RALYL: variants seen among roughly 807,000 people sequenced by gnomAD.
RALYL encodes RNA-binding Raly-like protein.
A neutral mutation model predicts 35.1 loss-of-function variants in RALYL; 29 were observed. The observed-to-expected ratio is 0.83, with a 90% CI of 0.61 to 1.13. The LOEUF is 1.13. Among genes scored for constraint, RALYL ranks in the 50% most tolerant of loss-of-function variants. The pLI, the probability that RALYL is intolerant of heterozygous loss-of-function variation, is 0.00. For missense variants in RALYL, 359 were observed against 360.4 expected (o/e 1.00, Z 0.03); for synonymous variants, 120 against 127.6 (o/e 0.94, Z 0.40).
intron 8 of RALYL, among the ~76,000 whole-genome samples, chr8:84,905,949 G>A (rs954323143): frequency 7.2e-5 from 11 of 151,818 alleles, no homozygotes; most frequent in African/African-American, 1.9e-4. Context: ...TTTTGAATAC[G>A]TAAAATATTC....
chr8:84,228,711 G>A (rs978547529), intron 1 of RALYL, among the ~76,000 whole-genome samples: 9 of 152,156 alleles, frequency 5.9e-5, no homozygotes, highest in Non-Finnish European at 1.3e-4. Context: ...AAAGAAAAGA[G>A]GTTTAATTAA....
chr8:84,548,596 T>C (rs926771610), intron 2 of RALYL, among the ~76,000 whole-genome samples: 1 of 152,186 alleles, frequency 6.6e-6, no homozygotes, highest in African/African-American at 2.4e-5. Flanking sequence ...CTGTTGTACA[T>C]CTTAAAAGGA....
At chr8:84,762,819 C>A (rs1447903783) in intron 2 of RALYL, among the ~76,000 whole-genome samples, 2 of 152,066 alleles carry the variant, frequency 1.3e-5, no homozygotes, top group East Asian at 1.9e-4. Context: ...ATGTTACCAA[C>A]CATTATTATC....
At chr8:84,253,174 C>T (rs1830525065) in intron 1 of RALYL, among the ~76,000 whole-genome samples, 1 of 112,474 alleles carries the variant, frequency 8.9e-6, no homozygotes, top group East Asian at 2.7e-4. Context: ...TGTAGTTCTG[C>T]AGTTTTTTTT....
chr8:84,842,167 A>G (rs1341264596), intron 4 of RALYL, among the ~76,000 whole-genome samples: 2 of 152,214 alleles, frequency 1.3e-5, no homozygotes, highest in African/African-American at 2.4e-5. Flanking sequence ...CAAAAAATTA[A>G]TGAATCCAGG....
At chr8:84,885,159 G>A (rs145385790) in intron 7 of RALYL, among the ~76,000 whole-genome samples, 35 of 152,150 alleles carry the variant, frequency 2.3e-4, no homozygotes, top group Non-Finnish European at 4.1e-4. Context: ...ATCTAGAACT[G>A]TAGAGCACAA....
intron 2 of RALYL, among the ~76,000 whole-genome samples, chr8:84,662,944 A>G (rs978011467): frequency 1.3e-5 from 2 of 152,046 alleles, no homozygotes; most frequent in African/African-American, 2.4e-5. Flanking sequence ...CCTACAGATT[A>G]AGCACAGCAT....
chr8:84,729,762 G>T (rs147959808), intron 2 of RALYL, among the ~76,000 whole-genome samples: 2 of 151,884 alleles, frequency 1.3e-5, no homozygotes, highest in East Asian at 1.9e-4. Context: ...ACACCTCTAC[G>T]CAAATAAACT....
At chr8:84,348,624 A>G (rs1850292723) in intron 1 of RALYL, among the ~76,000 whole-genome samples, 1 of 152,158 alleles carries the variant, frequency 6.6e-6, no homozygotes. Context: ...TATCGACCGT[A>G]AACATTTTTC....
At chr8:84,614,235 A>T (rs1358190588) in intron 2 of RALYL, among the ~76,000 whole-genome samples, 14 of 151,694 alleles carry the variant, frequency 9.2e-5, no homozygotes, top group Non-Finnish European at 1.8e-4. Flanking sequence ...TACGAGTATC[A>T]GTATTACTCT....
chr8:84,456,442 C>T (rs946326050), intron 1 of RALYL, among the ~76,000 whole-genome samples: 1 of 152,002 alleles, frequency 6.6e-6, no homozygotes, highest in Non-Finnish European at 1.5e-5. Context: ...AATACTACTC[C>T]TGGGCATCCA....
At chr8:84,704,438 TACACACAG>T (rs1160241540) in intron 2 of RALYL, among the ~76,000 whole-genome samples, 2 of 120,866 alleles carry the variant, frequency 1.7e-5, no homozygotes, top group Non-Finnish European at 3.6e-5. Context: ...AGCCCCCCAA[TACACACAG>T]ACACACACAC....
intron 1 of RALYL, among the ~76,000 whole-genome samples, chr8:84,450,502 G>A (rs917901799): frequency 6.6e-6 from 1 of 151,780 alleles, no homozygotes; most frequent in African/African-American, 2.4e-5. Context: ...GAATGATTCA[G>A]TTATGCCTGC....
In RALYL at chr8:84,554,001, A is replaced by G. The variant is rs76040548; in HGVS notation, c.256+24424A>G. Among the ~76,000 whole-genome samples, 1,464 of 152,334 alleles carry G rather than the reference A, an allele frequency of 9.6e-3. 27 individuals carry two copies. The highest frequency in any genetic ancestry group is 0.033 in the African/African-American group (1,362 of 41,570). ...ATGCTTTTTAAAATGCCTTGAAAACAAAGAATTAATCTGACATAATCACAT... is the reference window on the plus strand; with the variant it reads ...ATGCTTTTTAAAATGCCTTGAAAACGAAGAATTAATCTGACATAATCACAT... On this transcript the variant is annotated intron_variant, in intron 2 of 8. Transcript: ENST00000521268.
intron 2 of RALYL, among the ~76,000 whole-genome samples, chr8:84,597,563 C>A (rs377092762): frequency 6.6e-6 from 1 of 152,056 alleles, no homozygotes; most frequent in African/African-American, 2.4e-5. Context: ...ATGGATTTCA[C>A]CCTAATGATG....
At chr8:84,703,115 T>G (rs1364477024) in intron 2 of RALYL, among the ~76,000 whole-genome samples, 1 of 152,126 alleles carries the variant, frequency 6.6e-6, no homozygotes, top group African/African-American at 2.4e-5. Flanking sequence ...CCAAGGACTC[T>G]GCTCCCCCTC....
intron 1 of RALYL, among the ~76,000 whole-genome samples, chr8:84,270,637 T>C (rs2131935965): frequency 6.6e-6 from 1 of 152,140 alleles, no homozygotes; most frequent in African/African-American, 2.4e-5. Flanking sequence ...CACAGTGTAC[T>C]GTCCTAAGGA....
chr8:84,545,736 T>G (rs1371336803), intron 2 of RALYL, among the ~76,000 whole-genome samples: 1 of 152,172 alleles, frequency 6.6e-6, no homozygotes, highest in Non-Finnish European at 1.5e-5. Context: ...ACAACTGATT[T>G]TGTTTTCATA....
rs763240222 is a variant in RALYL at position 84,862,258 on chromosome 8, A to C, written c.414-38A>C. On this transcript the variant is annotated intron_variant, in intron 5 of 8. Coordinates refer to ENST00000521268, the MANE Select transcript of RALYL (RefSeq NM_173848.7). ...CACATATTTGATAGAACTCTCGGGC[A>C]TCAAACCAACTCTCAGTCCCATTTG... 6 of 1,417,380 alleles carry C rather than the reference A, an allele frequency of 4.2e-6. No homozygotes were observed. The African/African-American group carries it at 8.8e-5, about 21-fold the overall frequency. 87.8% of individuals were successfully genotyped at this position (1,417,380 alleles called of 1,614,324 possible).
Sources: gnomAD v4.1 joint callset for allele counts (sites outside exome capture counted in the v4.1 genomes callset) on GRCh38, gnomAD v4.1.1 for gene constraint, MANE v1.5 for transcripts, NCBI Gene and HGNC (gene_info 2026-07-23, HGNC 2026-07-21) for gene names.